GABRG3: variants seen among roughly 807,000 people sequenced by gnomAD.
GABRG3 encodes the protein gamma-aminobutyric acid receptor subunit gamma-3.
Under a neutral mutation model 48.8 loss-of-function variants are expected in GABRG3, and 25 were observed. The ratio of observed to expected loss-of-function variants is 0.51; its 90% CI spans 0.37 to 0.72. The LOEUF (loss-of-function observed/expected upper bound fraction) is 0.72, where lower values mean the gene tolerates loss of function less well. GABRG3 is among the 30% of genes least tolerant of loss of function. The pLI is 0.00. For missense variants in GABRG3, 394 were observed against 577.9 expected, an observed-to-expected ratio of 0.68 and a Z score of 3.26; for synonymous variants, 227 against 217.6, an observed-to-expected ratio of 1.04 and a Z score of -0.38.
chr15:27,530,451 A>C (rs2150866111), intron 9 of GABRG3, among the ~76,000 whole-genome samples: 1 of 152,354 alleles, frequency 6.6e-6, no homozygotes, highest in Non-Finnish European at 1.5e-5. Flanking sequence ...TAGGGCTCTT[A>C]ACATCTTACG....
chr15:27,067,430 C>T (rs906828866), intron 3 of GABRG3, among the ~76,000 whole-genome samples: 28 of 152,192 alleles, frequency 1.8e-4, no homozygotes, highest in African/African-American at 6.0e-4. Flanking sequence ...CGCCTCTGCC[C>T]CTTTCCGGAG....
chr15:26,974,724 T>C lies in GABRG3; in HGVS notation c.54-2278T>C, dbSNP rs1894905532. On this transcript the variant is annotated intron_variant, in intron 1 of 9. Transcript: ENST00000615808. This position sits in a 1 kb window ranked among gnomAD's most constrained non-coding sequence, Gnocchi z 4.3. ...GTGATTTGCCCTGTCCCGTGGGCAG[T>C]GCTTGATTCCCAGCTATCTAAATGC... Among the ~76,000 whole-genome samples the C allele has an allele frequency of 6.6e-6, 1 of 152,128 alleles. No individual in the cohort carries two copies. The highest frequency in any genetic ancestry group is 1.5e-5 in the Non-Finnish European group (1 of 68,032).
intron 5 of GABRG3, among the ~76,000 whole-genome samples, chr15:27,373,180 T>G (rs1895471046): frequency 6.6e-6 from 1 of 152,186 alleles, no homozygotes; most frequent in Non-Finnish European, 1.5e-5. Context: ...CTGAGTGTAT[T>G]TCTACCTAGG....
intron 5 of GABRG3, among the ~76,000 whole-genome samples, chr15:27,371,861 A>G (rs895174779): frequency 2.6e-5 from 4 of 152,222 alleles, no homozygotes; most frequent in Admixed American, 1.3e-4. Flanking sequence ...TTAAAATTAG[A>G]ACATAGACGT....
chr15:27,414,902 T>G (rs1368913107), intron 5 of GABRG3, among the ~76,000 whole-genome samples: 1 of 152,214 alleles, frequency 6.6e-6, no homozygotes, highest in Non-Finnish European at 1.5e-5. Context: ...TTCCTTTGGC[T>G]TCTTTCCAGA....
chr15:27,356,427 C>T (rs1289373812), intron 5 of GABRG3, among the ~76,000 whole-genome samples: 1 of 152,156 alleles, frequency 6.6e-6, no homozygotes, highest in African/African-American at 2.4e-5. Context: ...TGAGAATGTA[C>T]TATATGGCAG....
chr15:27,441,735 C>T (rs750915932), intron 5 of GABRG3, among the ~76,000 whole-genome samples: 4 of 152,192 alleles, frequency 2.6e-5, no homozygotes, highest in Non-Finnish European at 5.9e-5. Flanking sequence ...CCTGTGCTTT[C>T]TTCTCTGCGC....
intron 3 of GABRG3, among the ~76,000 whole-genome samples, chr15:27,306,036 T>C (rs1404944214): frequency 2.2e-5 from 2 of 89,718 alleles, no homozygotes; most frequent in Non-Finnish European, 4.0e-5. Flanking sequence ...TGTTTATATA[T>C]AAACATATAT....
intron 3 of GABRG3, among the ~76,000 whole-genome samples, chr15:27,239,331 T>C (rs926984723): frequency 1.3e-5 from 2 of 152,208 alleles, no homozygotes; most frequent in African/African-American, 4.8e-5. Context: ...CCTCTCTTCG[T>C]GGCCTTCCCT....
chr15:27,156,877 C>T (rs191727243), intron 3 of GABRG3, among the ~76,000 whole-genome samples: 1 of 152,312 alleles, frequency 6.6e-6, no homozygotes, highest in Admixed American at 6.5e-5. Context: ...TTATTTGCCA[C>T]CACTGATTTC....
chr15:27,276,367 G>A (rs1345568343), intron 3 of GABRG3, among the ~76,000 whole-genome samples: 1 of 152,188 alleles, frequency 6.6e-6, no homozygotes. Context: ...TGCAAATGTG[G>A]TGGTTTAGTT....
At chr15:27,389,645 A>G (rs1896161650) in intron 5 of GABRG3, among the ~76,000 whole-genome samples, 1 of 152,184 alleles carries the variant, frequency 6.6e-6, no homozygotes, top group Non-Finnish European at 1.5e-5. Flanking sequence ...CTGATTGGTA[A>G]AATATACACA....
chr15:27,122,491 TA>T (rs1281662316), intron 3 of GABRG3, among the ~76,000 whole-genome samples: 1 of 152,242 alleles, frequency 6.6e-6, no homozygotes, highest in Non-Finnish European at 1.5e-5. Context: ...GCACTGTTGT[TA>T]ACCAGTCTGC....
At chr15:27,023,052 C>T (rs374907335) in intron 2 of GABRG3, among the ~76,000 whole-genome samples, 49 of 152,264 alleles carry the variant, frequency 3.2e-4, no homozygotes, top group East Asian at 2.5e-3. Context: ...TCTTCTCAGA[C>T]ATACTAATTC....
intron 3 of GABRG3, among the ~76,000 whole-genome samples, chr15:27,265,034 C>T (rs1056113679): frequency 7.9e-5 from 12 of 152,012 alleles, no homozygotes; most frequent in African/African-American, 2.2e-4. Context: ...ACCAAAACAC[C>T]GTTCCTTTAC....
In GABRG3 at chr15:26,971,476, G is replaced by A. The variant is rs1477562173; in HGVS notation, c.-60G>A. 3.6e-6 allele frequency: 5 copies of A among 1,397,250 alleles called. No individual in the cohort carries two copies. Among genetic ancestry groups the A allele is most frequent in the South Asian group, 1.4e-5 (1 of 71,454 alleles). The allele number at this position is 1,397,250 out of a possible 1,614,324, so 86.6% of individuals were successfully genotyped here. Reference sequence around the variant, plus strand: ...GAGGGCCGGCGGAGACCAGGTCCGCGCCGGAGGAAGCCGCGCCCGGCCGAG... The same window carrying A: ...GAGGGCCGGCGGAGACCAGGTCCGCACCGGAGGAAGCCGCGCCCGGCCGAG... On this transcript the variant is annotated 5_prime_UTR_variant, in exon 1 of 10. Coordinates refer to ENST00000615808, the MANE Select transcript of GABRG3 (RefSeq NM_033223.5).
intron 6 of GABRG3, among the ~76,000 whole-genome samples, chr15:27,487,532 T>C (rs941570077): frequency 2.6e-5 from 4 of 152,182 alleles, no homozygotes; most frequent in African/African-American, 9.7e-5. Flanking sequence ...GGCCAGTGGC[T>C]TTTTCATGAT....
intron 2 of GABRG3, among the ~76,000 whole-genome samples, chr15:27,025,093 TGTGTGTGC>T (rs1048422954): frequency 1.3e-5 from 2 of 151,586 alleles, no homozygotes; most frequent in African/African-American, 4.8e-5. Context: ...TGAGTGTGTG[TGTGTGTGC>T]GCACACTTAT....
chr15:27,159,771 A>C (rs1898531483), intron 3 of GABRG3, among the ~76,000 whole-genome samples: 1 of 152,190 alleles, frequency 6.6e-6, no homozygotes, highest in Non-Finnish European at 1.5e-5. Context: ...TCATGTAATT[A>C]CTGAACTTTG....
Sources: allele counts gnomAD v4.1 joint callset (sites outside exome capture counted in the v4.1 genomes callset), GRCh38; gene constraint gnomAD v4.1.1; non-coding constraint Gnocchi (gnomAD v3.1); transcripts MANE v1.5; gene names NCBI Gene and HGNC (gene_info 2026-07-23, HGNC 2026-07-21).